The following P2RY12 variants were observed in gnomAD, a reference collection of about 807,000 sequenced individuals.
P2RY12 encodes the protein P2Y purinoceptor 12.
Under a neutral mutation model 4.5 loss-of-function variants are expected in P2RY12, and 3 were observed. The ratio of observed to expected loss-of-function variants is 0.67; its 90% CI spans 0.31 to 1.74. The LOEUF is 1.74. Ranked by LOEUF, P2RY12 falls within the 40% of genes most tolerant of loss-of-function variation. The pLI is 0.09. For missense variants in P2RY12, 356 were observed against 407.8 expected, an observed-to-expected ratio of 0.87 and a Z score of 1.09; for synonymous variants, 148 against 154.1, an observed-to-expected ratio of 0.96 and a Z score of 0.29.
chr3:151,341,637 T>G (rs1341528093), intron 1 of P2RY12, among the ~76,000 whole-genome samples: 1 of 151,972 alleles, frequency 6.6e-6, no homozygotes, highest in Non-Finnish European at 1.5e-5. Flanking sequence ...GCAGGTTAGT[T>G]ACATATGTAT....
At chr3:151,365,081 T>A in intron 1 of P2RY12, 1 of 1,614,102 alleles carries the variant, frequency 6.2e-7, no homozygotes, top group Non-Finnish European at 8.5e-7. Context: ...TTATTGAGAA[T>A]CCCTCAGCCC....
At position 151,338,860 on chromosome 3, in the gene P2RY12, C is replaced by G; in HGVS notation, c.-14-1G>C. 1 of 1,610,894 alleles carries G rather than the reference C, an allele frequency of 6.2e-7. No individual in the cohort carries two copies. The highest frequency in any genetic ancestry group is 8.5e-7 in the Non-Finnish European group (1 of 1,177,352). On this transcript the variant is annotated splice_acceptor_variant, in intron 2 of 2. Transcript: ENST00000302632. LOFTEE classifies it low-confidence loss of function (5UTR_SPLICE). ...ACGGCTTGCATTTCTTGTTGGTTAC[C>G]TAGAGAACAAAAGAGAGGATGGTTA...
At chr3:151,348,012 A>T (rs1261579406) in intron 1 of P2RY12, among the ~76,000 whole-genome samples, 2 of 152,130 alleles carry the variant, frequency 1.3e-5, no homozygotes, top group African/African-American at 4.8e-5. Context: ...GCTTTCCTTC[A>T]CCACCCCTCT....
rs753243500 is a variant in P2RY12, at chr3:151,338,584, C to G, written c.262G>C (p.Gly88Arg). Residue 88 changes from glycine to arginine, a missense_variant, in exon 3 of 3, where the codon GGA becomes CGA. Gly to Arg is a moderately radical substitution (Grantham distance 125). Transcript: ENST00000302632. ...ACAAAAGTTCTCAGTGGTCCTGTTC[C>G]CAGTTTGGCATCACTAAGAATTTTG... ...PFKILSDAKL[G>R]TGPLRTFVCQ... is the part of the protein sequence containing the mutation. 1 of 1,613,732 alleles carries G rather than the reference C, an allele frequency of 6.2e-7. No individual in the cohort carries two copies. The highest frequency in any genetic ancestry group is 1.1e-5 in the South Asian group (1 of 91,018).
Position 151,367,117 on chromosome 3 carries a change from C to T in P2RY12, c.-180+17575G>A, listed in dbSNP as rs201978602. Among the ~76,000 whole-genome samples the T allele has an allele frequency of 3.0e-4, 3 of 9,888 alleles. No individual in the cohort carries two copies. The African/African-American group carries it at 5.5e-3, about 18-fold the overall frequency. 6.5% of individuals were successfully genotyped at this position (9,888 alleles called of 152,430 possible). A position where few individuals can be genotyped will look rare whatever the true frequency, so the allele number is the denominator to read the frequency against. The stretch of plus-strand genomic sequence containing the variant: ...GACTGAATTAATTTCCCCCTCTGTC[C>T]TTTTTCTTCTTTTTAAATTTAAGAG... On this transcript the variant is annotated intron_variant, in intron 1 of 2. Transcript: ENST00000302632.
chr3:151,361,960 G>A (rs1367536186), intron 1 of P2RY12, among the ~76,000 whole-genome samples: 1 of 152,116 alleles, frequency 6.6e-6, no homozygotes, highest in Non-Finnish European at 1.5e-5. Context: ...ATGGGTAGGA[G>A]GAGAGTGGTA....
At position 151,338,554 on chromosome 3, in the gene P2RY12, GAC is replaced by G; in HGVS notation, c.290_291del (p.Cys97SerfsTer34). 1 of 1,613,924 alleles carries G rather than the reference GAC, an allele frequency of 6.2e-7. No individual in the cohort carries two copies. The highest frequency in any genetic ancestry group is 1.1e-5 in the South Asian group (1 of 91,044). ...AAATAAAATATGACGGAGGTAACTT[GAC>G]ACACAAAAGTTCTCAGTGGTCCTGT... is the stretch of plus-strand genomic sequence containing the variant. ...LGTGPLRTFVCQVTSVIFYFT... is the reference protein window; with the variant it reads ...LGTGPLRTFVXQVTSVIFYFT... On this transcript the variant is annotated frameshift_variant, in exon 3 of 3. Transcript: ENST00000302632. LOFTEE classifies it high-confidence loss of function.
At chr3:151,377,423 G>A (rs1756977858) in intron 1 of P2RY12, among the ~76,000 whole-genome samples, 1 of 152,196 alleles carries the variant, frequency 6.6e-6, no homozygotes, top group Non-Finnish European at 1.5e-5. Context: ...CATGCTTTCA[G>A]TGTCCCTTAG....
intron 1 of P2RY12, among the ~76,000 whole-genome samples, chr3:151,346,430 A>G (rs982594766): frequency 5.3e-5 from 8 of 152,036 alleles, no homozygotes; most frequent in African/African-American, 1.5e-4. Flanking sequence ...TCACTTCCCT[A>G]TCTTCACCAT....
chr3:151,372,803 T>C, intron 1 of P2RY12: 1 of 1,547,026 alleles, frequency 6.5e-7, no homozygotes, highest in Non-Finnish European at 8.9e-7. Flanking sequence ...TTTGAGTACG[T>C]AACTCTTCTT....
At chr3:151,349,938 A>G in intron 1 of P2RY12, 1 of 726,990 alleles carries the variant, frequency 1.4e-6, no homozygotes, top group Non-Finnish European at 2.1e-6. Context: ...AATTGAAGGG[A>G]GGGCGGGATG....
At position 151,371,815 on chromosome 3, in the gene P2RY12, T is replaced by C. The variant is rs180893061; in HGVS notation, c.-180+12877A>G. 4.1e-3 allele frequency among the ~76,000 whole-genome samples: 622 copies of C among 152,350 alleles called. 1 individual carries two copies. Among genetic ancestry groups the C allele is most frequent in the Non-Finnish European group, 6.6e-3 (452 of 68,024 alleles). On this transcript the variant is annotated intron_variant, in intron 1 of 2. Transcript: ENST00000302632. ...CTCTCTCACTTTTAAAATATGATAG[T>C]TATTTGTCTCTCATGGCTAGAGTTT... is the stretch of plus-strand genomic sequence containing the variant.
intron 2 of P2RY12, among the ~76,000 whole-genome samples, chr3:151,339,853 C>T (rs1233439253): frequency 1.3e-5 from 2 of 152,060 alleles, no homozygotes; most frequent in African/African-American, 2.4e-5. Flanking sequence ...TTTGAAATGA[C>T]GTTTGTAATC....
chr3:151,370,975 T>C (rs891027703), intron 1 of P2RY12, among the ~76,000 whole-genome samples: 8 of 152,188 alleles, frequency 5.3e-5, no homozygotes, highest in Non-Finnish European at 1.2e-4. Context: ...CAGTTTAACG[T>C]CAGCAGAGCT....
At chr3:151,339,645 A>G (rs1001190412) in intron 2 of P2RY12, among the ~76,000 whole-genome samples, 1 of 152,050 alleles carries the variant, frequency 6.6e-6, no homozygotes, top group Non-Finnish European at 1.5e-5. Flanking sequence ...AAAACAGTAA[A>G]AAAAAAAATA....
At chr3:151,368,286 C>T (rs576191826) in intron 1 of P2RY12, 2 of 1,558,720 alleles carry the variant, frequency 1.3e-6, no homozygotes, top group East Asian at 2.2e-5. Context: ...ATTACCTTTT[C>T]ATTGGTAGCT....
At chr3:151,365,256 T>C (rs773113952) in intron 1 of P2RY12, 1 of 1,483,494 alleles carries the variant, frequency 6.7e-7, no homozygotes, top group South Asian at 1.1e-5. Context: ...GTTGTTGCCT[T>C]GGTGCTTCTT....
chr3:151,354,388 A>C (rs907163984), intron 1 of P2RY12, among the ~76,000 whole-genome samples: 4 of 152,110 alleles, frequency 2.6e-5, no homozygotes, highest in Non-Finnish European at 5.9e-5. Flanking sequence ...TAATTTGATA[A>C]ACATGTCACT....
intron 1 of P2RY12, among the ~76,000 whole-genome samples, chr3:151,373,575 C>G (rs1027343065): frequency 1.3e-5 from 2 of 150,918 alleles, no homozygotes; most frequent in African/African-American, 4.9e-5. Context: ...TTTTTTTCCC[C>G]AACTTCTCCT....
Sources: allele counts gnomAD v4.1 joint callset (sites outside exome capture counted in the v4.1 genomes callset), GRCh38; gene constraint gnomAD v4.1.1; transcripts MANE v1.5; gene names NCBI Gene and HGNC (gene_info 2026-07-23, HGNC 2026-07-21).